Variants in SPATA1 observed in about 807,000 individuals in gnomAD.
SPATA1 encodes spermatogenesis-associated protein 1.
SPATA1 carries 57 observed loss-of-function variants against 59.6 expected under a neutral mutation model. That is an observed-to-expected ratio of 0.96 (90% CI 0.77 to 1.19). SPATA1 has a LOEUF of 1.19. Among genes scored for constraint, SPATA1 ranks in the 50% most tolerant of loss-of-function variants. The probability of loss-of-function intolerance (pLI) is 0.00; values close to 1 mark genes in which losing one functional copy is unlikely to be tolerated. For synonymous variants in SPATA1, 147 were observed against 163.9 expected, an observed-to-expected ratio of 0.90 and a Z score of 0.79; for missense variants, 448 against 480.7, an observed-to-expected ratio of 0.93 and a Z score of 0.64.
intron 8 of SPATA1, among the ~76,000 whole-genome samples, chr1:84,534,556 A>T (rs1683596517): frequency 6.6e-6 from 1 of 152,038 alleles, no homozygotes; most frequent in African/African-American, 2.4e-5. Flanking sequence ...CTGGGCTTAG[A>T]TCCTAAATAG....
chr1:84,557,144 A>G (rs920474773), downstream of SPATA1, among the ~76,000 whole-genome samples: 9 of 152,254 alleles, frequency 5.9e-5, no homozygotes, highest in African/African-American at 2.2e-4. Flanking sequence ...TATTGAGTCC[A>G]AGATGAGCTG....
chr1:84,541,956 TTTG>T (rs1465786613), intron 8 of SPATA1, among the ~76,000 whole-genome samples: 2 of 152,092 alleles, frequency 1.3e-5, no homozygotes, highest in South Asian at 2.1e-4. Flanking sequence ...TGTTTGTTTT[TTTG>T]TTGTTGTTGT....
intron 1 of SPATA1, among the ~76,000 whole-genome samples, chr1:84,511,203 A>G (rs1298840206): frequency 1.3e-5 from 2 of 152,210 alleles, no homozygotes; most frequent in African/African-American, 4.8e-5. Context: ...TGTATACCCT[A>G]TTTACCCTGA....
chr1:84,508,608 C>T (rs956317866), intron 1 of SPATA1, among the ~76,000 whole-genome samples: 8 of 152,212 alleles, frequency 5.3e-5, no homozygotes, highest in South Asian at 2.1e-4. Context: ...AGATCTTCAC[C>T]GTATTCAATT....
chr1:84,564,152 T>A (rs1411055509), intron 4 of SPATA1, among the ~76,000 whole-genome samples: 1 of 152,220 alleles, frequency 6.6e-6, no homozygotes, highest in Admixed American at 6.5e-5. Context: ...TTCTAAGATA[T>A]GATATACTTG....
chr1:84,539,146 G>C (rs932142914), intron 8 of SPATA1, among the ~76,000 whole-genome samples: 1 of 152,188 alleles, frequency 6.6e-6, no homozygotes, highest in Non-Finnish European at 1.5e-5. Context: ...GATGCTTGAT[G>C]TATAGTAGAT....
At chr1:84,549,887 T>C (rs1373463732) in intron 11 of SPATA1, 1 of 151,392 alleles carries the variant, frequency 6.6e-6, no homozygotes, top group Non-Finnish European at 1.5e-5. Context: ...TTTTTTAGCA[T>C]AGCTTATACT....
intron 3 of SPATA1, among the ~76,000 whole-genome samples, chr1:84,521,663 T>C (rs1475267701): frequency 1.3e-5 from 2 of 152,214 alleles, no homozygotes; most frequent in Non-Finnish European, 2.9e-5. Context: ...TACTTAGTAG[T>C]GTCTTATGAA....
intron 4 of SPATA1, 43 bp from the exon 5 acceptor site, chr1:84,525,653 A>G (rs766377050): frequency 2.6e-6 from 4 of 1,523,484 alleles, no homozygotes; most frequent in Middle Eastern, 2.1e-4. Context: ...ATTGAAAAAA[A>G]TGTAGCAAAA....
chr1:84,541,852 G>A (rs924740873), intron 8 of SPATA1, among the ~76,000 whole-genome samples: 13 of 152,262 alleles, frequency 8.5e-5, no homozygotes, highest in Non-Finnish European at 1.8e-4. Flanking sequence ...AGAGGAACAG[G>A]GAGTGTTGTT....
chr1:84,557,775 G>A (rs1684489521), downstream of SPATA1, among the ~76,000 whole-genome samples: 1 of 146,174 alleles, frequency 6.8e-6, no homozygotes, highest in East Asian at 2.1e-4. Flanking sequence ...GGAGAATGGC[G>A]TGAACCCGGG....
intron 1 of SPATA1, among the ~76,000 whole-genome samples, chr1:84,507,579 C>T (rs1323104284): frequency 1.3e-5 from 2 of 152,164 alleles, no homozygotes; most frequent in Non-Finnish European, 2.9e-5. Context: ...TAAATATTGT[C>T]TTTTCCCAAA....
exon 13 of SPATA1, chr1:84,553,192 A>G (rs1466083220): frequency 2.3e-6 from 2 of 868,502 alleles, no homozygotes; most frequent in African/African-American, 1.8e-5. Flanking sequence ...TTGTTTAACC[A>G]TTATTCTCCT....
intron 4 of SPATA1, among the ~76,000 whole-genome samples, chr1:84,523,049 C>G (rs1683090466): frequency 6.6e-6 from 1 of 151,974 alleles, no homozygotes; most frequent in Non-Finnish European, 1.5e-5. Context: ...GGATTACAGG[C>G]ATGCGACACC....
rs114470598 is a variant in SPATA1 at position 84,534,764 on chromosome 1, C to T, written c.717+998C>T. Among the ~76,000 whole-genome samples the T allele has an allele frequency of 3.3e-3, 509 of 152,122 alleles. 2 individuals carry two copies. Among genetic ancestry groups the T allele is most frequent in the African/African-American group, 0.011 (471 of 41,538 alleles). ...TTATCTCTATTTTCAGATGAGAAAA[C>T]GAAAACACAGAAAGTTACATTAATT... On this transcript the variant is annotated intron_variant, in intron 8 of 12. Transcript: ENST00000490879.
chr1:84,553,767 A>C (rs1303624318), exon 13 of SPATA1: 5 of 152,210 alleles, frequency 3.3e-5, no homozygotes, highest in Non-Finnish European at 7.3e-5. Flanking sequence ...CATGTATTCC[A>C]ATTTACAGGG....
intron 6 of SPATA1, among the ~76,000 whole-genome samples, chr1:84,532,194 C>T (rs1359664322): frequency 6.6e-6 from 1 of 152,108 alleles, no homozygotes; most frequent in African/African-American, 2.4e-5. Context: ...CTTTGGCAAA[C>T]GGTTTGTAAA....
chr1:84,532,845 G>T lies in SPATA1; in HGVS notation c.545-15G>T. ...ATTCTGAACTTTATTTGCTGTGGAT[G>T]ACCATCAACATCAGCTGGGGGAAAA... On this transcript the variant is annotated splice_polypyrimidine_tract_variant and intron_variant, in intron 6 of 12. Transcript: ENST00000490879. 6.6e-7 allele frequency: 1 copy of T among 1,510,982 alleles called. No individual in the cohort carries two copies. The highest frequency in any genetic ancestry group is 1.2e-5 in the South Asian group (1 of 83,076). 93.6% of individuals were successfully genotyped at this position (1,510,982 alleles called of 1,614,324 possible).
intron 12 of SPATA1, chr1:84,550,903 ATCGTT>A: frequency 2.0e-6 from 2 of 978,302 alleles, no homozygotes; most frequent in Non-Finnish European, 2.4e-6. Flanking sequence ...TTTATGGGTA[ATCGTT>A]TCATTTTTTC....
Sources: gnomAD v4.1 joint callset for allele counts (sites outside exome capture counted in the v4.1 genomes callset) on GRCh38, gnomAD v4.1.1 for gene constraint, MANE v1.5 for transcripts, NCBI Gene and HGNC (gene_info 2026-07-23, HGNC 2026-07-21) for gene names.